Variants in KREMEN1 observed in about 807,000 individuals in gnomAD.
KREMEN1 encodes kremen protein 1.
Under a neutral mutation model 46.5 loss-of-function variants are expected in KREMEN1, and 30 were observed. That is an observed-to-expected ratio of 0.65 (90% CI 0.48 to 0.88). The LOEUF is 0.88. Among genes scored for constraint, KREMEN1 ranks in the 40% least tolerant of loss-of-function variants. KREMEN1 has a pLI of 0.00. For missense variants in KREMEN1, 533 were observed against 596.9 expected (o/e 0.89, Z 1.11); for synonymous variants, 214 against 230.6 (o/e 0.93, Z 0.65).
At chr22:29,139,595 C>T (rs955431864) in intron 7 of KREMEN1, among the ~76,000 whole-genome samples, 1 of 151,850 alleles carries the variant, frequency 6.6e-6, no homozygotes, top group Admixed American at 6.6e-5. Flanking sequence ...AGAATGAGAC[C>T]TTGTCTCAAA....
At chr22:29,136,884 A>G (rs1310440306) in intron 5 of KREMEN1, among the ~76,000 whole-genome samples, 2 of 152,192 alleles carry the variant, frequency 1.3e-5, no homozygotes, top group Non-Finnish European at 2.9e-5. Context: ...TTCTCTTTTG[A>G]CAGCTTTACC....
At chr22:29,109,335 A>G (rs1050335991) in intron 3 of KREMEN1, among the ~76,000 whole-genome samples, 2 of 152,190 alleles carry the variant, frequency 1.3e-5, no homozygotes, top group African/African-American at 2.4e-5. Context: ...ACTTGCCTAT[A>G]AGGAAGAAAT....
rs75883524 is a variant in KREMEN1 at position 29,162,398 on chromosome 22, C to T, written c.1417-4646C>T. On this transcript the variant is annotated intron_variant, in intron 9 of 9. Transcript: ENST00000327813. Reference sequence around the variant, plus strand: ...CAACATCATACTGAATAGGCAAACACTGAAGCATTCCCCCTTGGAACAAGA... The same window carrying T: ...CAACATCATACTGAATAGGCAAACATTGAAGCATTCCCCCTTGGAACAAGA... Among the ~76,000 whole-genome samples the T allele has an allele frequency of 9.8e-4, 132 of 134,258 alleles. 2 individuals are homozygous for T. The East Asian group carries it at 0.017, about 18-fold the overall frequency. The allele number at this position is 134,258 out of a possible 152,430, so 88.1% of individuals were successfully genotyped here. A position where few individuals can be genotyped will look rare whatever the true frequency, so the allele number is the denominator to read the frequency against.
intron 3 of KREMEN1, among the ~76,000 whole-genome samples, chr22:29,109,403 G>T: frequency 6.6e-6 from 1 of 152,160 alleles, no homozygotes; most frequent in East Asian, 1.9e-4. Flanking sequence ...AGAGAAAATT[G>T]CAGACCAGCA....
chr22:29,121,741 T>C lies in KREMEN1; in HGVS notation c.477+260T>C, dbSNP rs1313180069. ...CAGAATTTCTTTTCTGGGTTATGAATGTTCTGGAATTAGATGGCAGTGACT... is the reference window on the plus strand; with the variant it reads ...CAGAATTTCTTTTCTGGGTTATGAACGTTCTGGAATTAGATGGCAGTGACT... On this transcript the variant is annotated intron_variant, in intron 4 of 8. Coordinates refer to ENST00000400335, the MANE Select transcript of KREMEN1 (RefSeq NM_001039570.3). 2.6e-5 allele frequency among the ~76,000 whole-genome samples: 4 copies of C among 152,226 alleles called. No homozygotes were observed. In the East Asian group the frequency reaches 7.7e-4, roughly 29 times the overall value.
chr22:29,158,784 A>AAT (rs1169324051), intron 9 of KREMEN1, among the ~76,000 whole-genome samples: 1 of 152,164 alleles, frequency 6.6e-6, no homozygotes, highest in East Asian at 1.9e-4. Flanking sequence ...ATGGGTCTGG[A>AAT]AGATGATCGG....
chr22:29,120,464 C>A (rs6005996), intron 3 of KREMEN1, among the ~76,000 whole-genome samples: 1 of 34,286 alleles, frequency 2.9e-5, no homozygotes, highest in African/African-American at 1.3e-4. Context: ...AGGAGGGAGA[C>A]GTGATGATGG....
intron 3 of KREMEN1, among the ~76,000 whole-genome samples, chr22:29,114,650 AC>A (rs1381617013): frequency 1.3e-5 from 2 of 152,142 alleles, no homozygotes; most frequent in African/African-American, 2.4e-5. Flanking sequence ...AGCCTCCAGA[AC>A]CATGTCCATT....
Position 29,144,417 on chromosome 22 carries a change from A to G in KREMEN1, c.*2305A>G. On this transcript the variant is annotated 3_prime_UTR_variant, in exon 9 of 9. Coordinates refer to ENST00000400335, the MANE Select transcript of KREMEN1 (RefSeq NM_001039570.3). ...ACAGGCAGGCAGGGGCAGGACTGCCACCCCAGGCCCCGTGGGAGGCCTGCT... is the reference window on the plus strand; with the variant it reads ...ACAGGCAGGCAGGGGCAGGACTGCCGCCCCAGGCCCCGTGGGAGGCCTGCT... 1.0e-6 allele frequency: 1 copy of G among 985,492 alleles called. No individual in the cohort carries two copies. The highest frequency in any genetic ancestry group is 1.2e-6 in the Non-Finnish European group (1 of 830,034). 61.0% of individuals were successfully genotyped at this position (985,492 alleles called of 1,614,324 possible).
rs780415254 is a variant in KREMEN1 at position 29,078,480 on chromosome 22, A to AG, written c.97+5255dup. ...CCAGCCCTGACACAGAAAAACAGCCAGGAAAAAAAAAAAAAAGAAGAAGAA... is the reference window on the plus strand; with the variant it reads ...CCAGCCCTGACACAGAAAAACAGCCAGGGAAAAAAAAAAAAAAGAAGAAGAA... On this transcript the variant is annotated intron_variant, in intron 1 of 8. Coordinates refer to ENST00000400335, the MANE Select transcript of KREMEN1 (RefSeq NM_001039570.3). Among the ~76,000 whole-genome samples the AG allele has an allele frequency of 8.9e-3, 1,059 of 119,150 alleles. 6 individuals are homozygous for AG. The highest frequency in any genetic ancestry group is 0.016 in the South Asian group (53 of 3,352). The allele number at this position is 119,150 out of a possible 152,430, so 78.2% of individuals were successfully genotyped here. A position where few individuals can be genotyped will look rare whatever the true frequency, so the allele number is the denominator to read the frequency against.
At chr22:29,112,122 G>C (rs1038364651) in intron 3 of KREMEN1, among the ~76,000 whole-genome samples, 1 of 151,960 alleles carries the variant, frequency 6.6e-6, no homozygotes, top group South Asian at 2.1e-4. Context: ...CTTCCTCTTC[G>C]TGGACCAGCA....
chr22:29,111,890 T>C (rs2038159151), intron 3 of KREMEN1, among the ~76,000 whole-genome samples: 2 of 152,232 alleles, frequency 1.3e-5, no homozygotes, highest in South Asian at 2.1e-4. Flanking sequence ...TTTACTATGA[T>C]GGCCGTGCCT....
At chr22:29,080,088 A>T (rs1203999345) in intron 1 of KREMEN1, among the ~76,000 whole-genome samples, 1 of 152,228 alleles carries the variant, frequency 6.6e-6, no homozygotes, top group Admixed American at 6.5e-5. Context: ...TCCTATGTCT[A>T]TGGGGAAATA....
At chr22:29,139,483 G>T (rs2145848700) in intron 7 of KREMEN1, among the ~76,000 whole-genome samples, 1 of 152,206 alleles carries the variant, frequency 6.6e-6, no homozygotes, top group African/African-American at 2.4e-5. Flanking sequence ...CACGCTTGTG[G>T]TCCCAGCTAC....
chr22:29,162,986 C>T (rs1203857982), intron 9 of KREMEN1, among the ~76,000 whole-genome samples: 1 of 152,112 alleles, frequency 6.6e-6, no homozygotes, highest in Non-Finnish European at 1.5e-5. Context: ...AGGCCATTCA[C>T]AAGTACATAA....
chr22:29,145,538 G>A lies in KREMEN1; in HGVS notation c.*3426G>A, dbSNP rs1052587589. The A allele has an allele frequency of 1.0e-6, 1 of 985,464 alleles. No homozygotes were observed. Among genetic ancestry groups the A allele is most frequent in the African/African-American group, 1.7e-5 (1 of 57,256 alleles). 61.0% of individuals were successfully genotyped at this position (985,464 alleles called of 1,614,324 possible). A position where few individuals can be genotyped will look rare whatever the true frequency, so the allele number is the denominator to read the frequency against. On this transcript the variant is annotated 3_prime_UTR_variant, in exon 9 of 9. Coordinates refer to ENST00000400335, the MANE Select transcript of KREMEN1 (RefSeq NM_001039570.3). ...AGCCGATCTTGTCACTCTCCGTGGT[G>A]ACAGTGTCTTGGCCAGCTGTGGCCC...
chr22:29,139,613 G>T (rs1368844955), intron 7 of KREMEN1, among the ~76,000 whole-genome samples: 1 of 151,648 alleles, frequency 6.6e-6, no homozygotes, highest in Non-Finnish European at 1.5e-5. Context: ...AAAAAGAAAA[G>T]AGTAGAAAAA....
At chr22:29,083,619 G>T (rs756501868) in intron 1 of KREMEN1, among the ~76,000 whole-genome samples, 54 of 152,272 alleles carry the variant, frequency 3.5e-4, no homozygotes, top group Non-Finnish European at 3.5e-4. Context: ...ATCACTTGAG[G>T]TCAGGAGTTT....
intron 5 of KREMEN1, chr22:29,134,044 T>C (rs1398734901): frequency 1.3e-5 from 2 of 152,088 alleles, no homozygotes; most frequent in African/African-American, 2.4e-5. Context: ...TATACTAAAA[T>C]TGGAACAAAA....
Sources: allele counts gnomAD v4.1 joint callset (sites outside exome capture counted in the v4.1 genomes callset), GRCh38; gene constraint gnomAD v4.1.1; transcripts MANE v1.5; gene names NCBI Gene and HGNC (gene_info 2026-07-23, HGNC 2026-07-21).